The following ZNF850 variants were observed in gnomAD, a reference collection of about 807,000 sequenced individuals.
ZNF850 encodes the protein putative zinc finger protein ENSP00000330994.
In ZNF850, 2 loss-of-function variants were observed where a neutral mutation model predicts 11.9. That is an observed-to-expected ratio of 0.17 (90% CI 0.07 to 0.53). The LOEUF (loss-of-function observed/expected upper bound fraction) is 0.53. Among genes scored for constraint, ZNF850 ranks in the 20% least tolerant of loss-of-function variants. ZNF850 has a pLI of 0.94. For synonymous variants in ZNF850, 381 were observed against 443.0 expected (o/e 0.86, Z 1.76); for missense variants, 1,014 against 1,316.4 (o/e 0.77, Z 3.55).
rs545589369 is a variant in ZNF850 at position 36,743,582 on chromosome 19, A to G, written c.*4185T>C. On this transcript the variant is annotated 3_prime_UTR_variant, in exon 5 of 5. Transcript: ENST00000591344. ...TTTCATCTACTAAAGTAGTTCATCA[A>G]TGTTACAATCCTTAGACAAAAACCA... 2 of 152,094 alleles carry G rather than the reference A, an allele frequency of 1.3e-5. No homozygotes were observed. Among genetic ancestry groups the G allele is most frequent in the African/African-American group, 4.8e-5 (2 of 41,482 alleles). 9.4% of individuals were successfully genotyped at this position (152,094 alleles called of 1,614,324 possible).
intron 4 of ZNF850, among the ~76,000 whole-genome samples, chr19:36,754,722 AT>A (rs1484809382): frequency 1.3e-5 from 2 of 151,846 alleles, no homozygotes; most frequent in Non-Finnish European, 2.9e-5. Flanking sequence ...CGCCCGGCTA[AT>A]TTTTTGTATT....
rs772095453 is a variant in ZNF850 at position 36,762,368 on chromosome 19, C to T, written c.76G>A (p.Ala26Thr). Reference sequence around the variant, plus strand: ...TCTCTGTATAAGTCCTTCTGAGCAGCGTCCAGGCACTCCCATTCCTCCTGA... The same window carrying T: ...TCTCTGTATAAGTCCTTCTGAGCAGTGTCCAGGCACTCCCATTCCTCCTGA... ...FSQEEWECLD[A>T]AQKDLYRDVM... Residue 26 changes from alanine (A) to threonine (T), a missense_variant, in exon 3 of 5, where the codon GCT becomes ACT. Ala to Thr is a moderately conservative substitution (Grantham distance 58, BLOSUM62 0). This residue lies in a region of ZNF850 where 835 missense variants were observed against 1,022.0 expected (regional missense o/e 0.82). Transcript: ENST00000591344. 3.9e-5 allele frequency: 62 copies of T among 1,587,624 alleles called. No individual in the cohort carries two copies. The highest frequency in any genetic ancestry group is 4.9e-5 in the Non-Finnish European group (57 of 1,173,044).
rs1024002213 is a variant in ZNF850 at position 36,743,658 on chromosome 19, CCAAT to C, written c.*4105_*4108del. On this transcript the variant is annotated 3_prime_UTR_variant, in exon 5 of 5. Coordinates refer to ENST00000591344, the MANE Select transcript of ZNF850 (RefSeq NM_001193552.2). ...TCAATTACACAACAGAAAAAATATC[CCAAT>C]CATATTATAAACAAAAGCCATTAAG... 2.0e-5 allele frequency: 3 copies of C among 151,834 alleles called. No individual in the cohort carries two copies. Among genetic ancestry groups the C allele is most frequent in the Non-Finnish European group, 4.4e-5 (3 of 67,954 alleles). The allele number at this position is 151,834 out of a possible 1,614,324, so 9.4% of individuals were successfully genotyped here.
At position 36,749,199 on chromosome 19, in the gene ZNF850, T is replaced by TGATG; in HGVS notation, c.1840_1841insCATC (p.Glu614AlafsTer6). 1 of 1,604,122 alleles carries TGATG rather than the reference T, an allele frequency of 6.2e-7. No homozygotes were observed. Among genetic ancestry groups the TGATG allele is most frequent in the Non-Finnish European group, 8.5e-7 (1 of 1,176,948 alleles). ...ACATTCCTTACAATCATAAGGTTTC[T>TGATG]CACCAGTGTGAATTTGCTGATGTTG... On this transcript the variant is annotated frameshift_variant, in exon 5 of 5. Coordinates refer to ENST00000591344, the MANE Select transcript of ZNF850 (RefSeq NM_001193552.2). LOFTEE classifies it low-confidence loss of function (END_TRUNC).
At chr19:36,758,893 G>A (rs1200769509) in intron 4 of ZNF850, among the ~76,000 whole-genome samples, 2 of 147,594 alleles carry the variant, frequency 1.4e-5, no homozygotes, top group Non-Finnish European at 3.0e-5. Context: ...CCTGGCCAAT[G>A]TGGTGAAACC....
chr19:36,753,422 CAAAAAAAAAAA>C (rs58851544), intron 4 of ZNF850, among the ~76,000 whole-genome samples: 4 of 46,656 alleles, frequency 8.6e-5, no homozygotes, highest in African/African-American at 2.1e-4. Flanking sequence ...GACACTGTCT[CAAAAAAAAAAA>C]AAAAAAAAAA....
intron 1 of ZNF850, among the ~76,000 whole-genome samples, chr19:36,766,339 A>C (rs2040549455): frequency 6.6e-6 from 1 of 152,226 alleles, no homozygotes; most frequent in Non-Finnish European, 1.5e-5. Context: ...GACAGGGAAA[A>C]GAGAAAGCAG....
chr19:36,751,986 T>A (rs1407138351), intron 4 of ZNF850, among the ~76,000 whole-genome samples: 2 of 152,148 alleles, frequency 1.3e-5, no homozygotes, highest in Non-Finnish European at 2.9e-5. Flanking sequence ...TTTACTTTTT[T>A]AAAGTGAGAA....
chr19:36,748,009 A>T lies in ZNF850; in HGVS notation c.3031T>A (p.Cys1011Ser), dbSNP rs1209459826. Reference protein sequence around the residue: ...RTHTGEKPYDCKECGKAFRCP... With the variant: ...RTHTGEKPYDSKECGKAFRCP... Reference sequence around the variant, plus strand: ...CTAAAGGCCTTCCCACATTCCTTACAATCATAAGGTTTCTCACCAGTGTGA... The same window carrying T: ...CTAAAGGCCTTCCCACATTCCTTACTATCATAAGGTTTCTCACCAGTGTGA... Residue 1011 changes from cysteine (C) to serine (S), a missense_variant, in exon 5 of 5, where the codon TGT becomes AGT. Transcript: ENST00000591344. The T allele has an allele frequency of 1.3e-6, 2 of 1,592,040 alleles. No individual in the cohort carries two copies. Among genetic ancestry groups the T allele is most frequent in the Non-Finnish European group, 1.7e-6 (2 of 1,171,560 alleles).
rs143229182 is a variant in ZNF850 at position 36,760,020 on chromosome 19, G to A, written c.235+1623C>T. 5.5e-3 allele frequency among the ~76,000 whole-genome samples: 843 copies of A among 152,234 alleles called. 2 individuals are homozygous for A. The highest frequency in any genetic ancestry group is 0.01 in the Non-Finnish European group (688 of 68,022). ...CTCTTTTATACACAATCATTTCAGTGTACCTTTTCCTCCTAAAAGCAGGCA... is the reference window on the plus strand; with the variant it reads ...CTCTTTTATACACAATCATTTCAGTATACCTTTTCCTCCTAAAAGCAGGCA... On this transcript the variant is annotated intron_variant, in intron 4 of 4. Coordinates refer to ENST00000591344, the MANE Select transcript of ZNF850 (RefSeq NM_001193552.2).
Position 36,749,424 on chromosome 19 carries a change from C to T in ZNF850, c.1616G>A (p.Gly539Glu). The T allele has an allele frequency of 6.5e-7, 1 of 1,549,576 alleles. No individual in the cohort carries two copies. The highest frequency in any genetic ancestry group is 8.7e-7 in the Non-Finnish European group (1 of 1,152,258). The change falls in exon 5 of 5, where the codon GGA (glycine) becomes GAA (glutamate). Residue 539 changes from glycine to glutamate, a missense_variant. Physicochemically the swap from Gly to Glu is moderately conservative, Grantham distance 98. Around this residue, in one of 2 missense-constraint regions of ZNF850, gnomAD observed 835 missense variants for 1,022.0 expected, o/e 0.82. Coordinates refer to ENST00000591344, the MANE Select transcript of ZNF850 (RefSeq NM_001193552.2). ...CCCTGAGCGAAAAGTAAAAGATTTTCCACATTCCTTACAATGATAGGGTTT... is the reference window on the plus strand; with the variant it reads ...CCCTGAGCGAAAAGTAAAAGATTTTTCACATTCCTTACAATGATAGGGTTT... ...GEKPYHCKEC[G>E]KSFTFRSGLI...
chr19:36,770,703 C>CAAAAAAAAAAAAAAAAAAAAAAAAA (rs567709722), intron 1 of ZNF850, among the ~76,000 whole-genome samples: 1 of 66,604 alleles, frequency 1.5e-5, no homozygotes, highest in Non-Finnish European at 3.1e-5. Context: ...GAGACTCCAT[C>CAAAAAAAAAAAAAAAAAAAAAAAAA]AAAAAAAAAA....
Position 36,748,674 on chromosome 19 carries a change from T to C in ZNF850, c.2366A>G (p.Glu789Gly). 2.0e-6 allele frequency: 3 copies of C among 1,537,820 alleles called. No homozygotes were observed. Residue 789 changes from glutamate (E) to glycine (G), a missense_variant, in exon 5 of 5, where the codon GAA (glutamate) becomes GGA (glycine). Glu to Gly is a moderately conservative substitution (Grantham distance 98). Around this residue, in one of 2 missense-constraint regions of ZNF850, gnomAD observed 835 missense variants for 1,022.0 expected, o/e 0.82. Coordinates refer to ENST00000591344, the MANE Select transcript of ZNF850 (RefSeq NM_001193552.2). ...ATGAGAAGTAAAAGATTTCCCACAT[T>C]CCTTACAATCATAGAGCTTCTCACC... The part of the protein sequence containing the change: ...HTGEKLYDCK[E>G]CGKSFTSHST...
chr19:36,771,891 C>A (rs566492006), intron 1 of ZNF850, among the ~76,000 whole-genome samples: 38 of 152,310 alleles, frequency 2.5e-4, no homozygotes, highest in Non-Finnish European at 4.6e-4. Context: ...TTCTCCCAGG[C>A]AACAAGCCAT....
chr19:36,748,793 T>C lies in ZNF850; in HGVS notation c.2247A>G (p.Gln749=), dbSNP rs772069395. 1 of 1,551,996 alleles carries C rather than the reference T, an allele frequency of 6.4e-7. No individual in the cohort carries two copies. Among genetic ancestry groups the C allele is most frequent in the Non-Finnish European group, 8.7e-7 (1 of 1,153,582 alleles). The part of the protein sequence containing the change: ...TSHSTLIQHQ[Q]IHTGEKPYDC... ...CATAGGGTTTCTCACCAGTGTGAAT[T>C]TGCTGATGTTGAATTAGTGTTGAGT... Residue 749 remains glutamine (Q), a synonymous_variant, in exon 5 of 5, where the codon CAA becomes CAG. Coordinates refer to ENST00000591344, the MANE Select transcript of ZNF850 (RefSeq NM_001193552.2).
At chr19:36,762,203 A>G in intron 3 of ZNF850, 102 bp downstream of exon 3, 1 of 1,037,786 alleles carries the variant, frequency 9.6e-7, no homozygotes, top group Non-Finnish European at 1.3e-6. Context: ...CTATTAATCT[A>G]CAAAACACAA....
chr19:36,766,054 A>AT (rs556527634), intron 1 of ZNF850, among the ~76,000 whole-genome samples: 32 of 149,324 alleles, frequency 2.1e-4, no homozygotes, highest in African/African-American at 5.7e-4. Context: ...ACACCTGGCT[A>AT]TTTTTTTTGG....
intron 4 of ZNF850, among the ~76,000 whole-genome samples, chr19:36,755,810 T>C (rs1295678001): frequency 6.6e-6 from 1 of 151,414 alleles, no homozygotes; most frequent in Non-Finnish European, 1.5e-5. Context: ...TTAAAGAGAA[T>C]TATTATGTTT....
chr19:36,764,162 T>C (rs893136821), intron 1 of ZNF850, among the ~76,000 whole-genome samples: 3 of 152,132 alleles, frequency 2.0e-5, no homozygotes, highest in Non-Finnish European at 4.4e-5. Context: ...GAAGAATTGC[T>C]TGAACCCAGA....
Sources: allele counts gnomAD v4.1 joint callset (sites outside exome capture counted in the v4.1 genomes callset), GRCh38; gene constraint gnomAD v4.1.1; regional missense constraint gnomAD v4.1.1; transcripts MANE v1.5; gene names NCBI Gene and HGNC (gene_info 2026-07-23, HGNC 2026-07-21).